STON2: variants seen among roughly 807,000 people sequenced by gnomAD.
The protein encoded by STON2 is stonin-2.
A neutral mutation model predicts 65.7 loss-of-function variants in STON2; 29 were observed. The observed-to-expected ratio is 0.44, with a 90% CI of 0.33 to 0.60. The LOEUF (loss-of-function observed/expected upper bound fraction) is 0.60. STON2 is among the 20% of genes least tolerant of loss of function. The pLI, the probability that STON2 is intolerant of heterozygous loss-of-function variation, is 0.03. For missense variants in STON2, 1,054 were observed against 1,118.1 expected (o/e 0.94, Z 0.82); for synonymous variants, 404 against 414.2 (o/e 0.98, Z 0.30).
chr14:81,287,558 C>T (rs1433575401), intron 5 of STON2, among the ~76,000 whole-genome samples: 5 of 152,186 alleles, frequency 3.3e-5, no homozygotes, highest in Non-Finnish European at 7.4e-5. Context: ...CCAACTCCCT[C>T]CCTGCCATTA....
chr14:81,408,706 T>G (rs1900998143), intron 2 of STON2, among the ~76,000 whole-genome samples: 1 of 152,368 alleles, frequency 6.6e-6, no homozygotes, highest in Admixed American at 6.5e-5. Context: ...TATCTAACAA[T>G]TCCATGGCCC....
chr14:81,352,003 A>AAC (rs1159842221), intron 4 of STON2, among the ~76,000 whole-genome samples: 1 of 152,234 alleles, frequency 6.6e-6, no homozygotes, highest in African/African-American at 2.4e-5. Flanking sequence ...TAAATACATG[A>AAC]ACAAATACAT....
chr14:81,289,091 T>C (rs1020995069), intron 5 of STON2, among the ~76,000 whole-genome samples: 1 of 152,100 alleles, frequency 6.6e-6, no homozygotes, highest in African/African-American at 2.4e-5. Flanking sequence ...CGCAGGATGC[T>C]TGCAAGATCC....
intron 5 of STON2, among the ~76,000 whole-genome samples, chr14:81,303,059 G>GGTGTGTGTGT (rs56117739): frequency 1.4e-4 from 14 of 97,054 alleles, no homozygotes; most frequent in African/African-American, 3.7e-4. Context: ...ATGTGTGGGG[G>GGTGTGTGTGT]GTGTGTGTGT....
chr14:81,339,751 A>AT (rs1897520035), intron 4 of STON2, among the ~76,000 whole-genome samples: 1 of 152,224 alleles, frequency 6.6e-6, no homozygotes, highest in Admixed American at 6.5e-5. Flanking sequence ...GTTGCATTTG[A>AT]TTTTTTAAAA....
chr14:81,376,438 C>T (rs1160013650), intron 3 of STON2, among the ~76,000 whole-genome samples: 1 of 151,964 alleles, frequency 6.6e-6, no homozygotes, highest in Non-Finnish European at 1.5e-5. Context: ...GGTTAAAAAC[C>T]TGACTTGTCC....
chr14:81,314,550 A>G (rs1163935316), intron 5 of STON2, among the ~76,000 whole-genome samples: 1 of 152,248 alleles, frequency 6.6e-6, no homozygotes, highest in Non-Finnish European at 1.5e-5. Flanking sequence ...AGATGTCATC[A>G]TGGTACTGTG....
intron 4 of STON2, among the ~76,000 whole-genome samples, chr14:81,351,178 C>CTTTTT (rs370421507): frequency 0.012 from 1,511 of 127,876 alleles, 37 homozygotes; most frequent in South Asian, 0.018. Flanking sequence ...GTAAGCTCTT[C>CTTTTT]TTTTTTTTTT....
chr14:81,309,305 T>TA (rs563399871), intron 5 of STON2, among the ~76,000 whole-genome samples: 99 of 151,912 alleles, frequency 6.5e-4, no homozygotes, highest in African/African-American at 2.2e-3. Flanking sequence ...TCTGAACTAT[T>TA]AAAAAAAAGA....
At chr14:81,292,493 C>T (rs556129879) in intron 5 of STON2, among the ~76,000 whole-genome samples, 11 of 152,274 alleles carry the variant, frequency 7.2e-5, no homozygotes, top group Non-Finnish European at 1.0e-4. Flanking sequence ...CAAGTTACCC[C>T]TGTGCTGTTC....
chr14:81,348,620 C>T (rs1897906296), intron 4 of STON2, among the ~76,000 whole-genome samples: 1 of 152,104 alleles, frequency 6.6e-6, no homozygotes, highest in Admixed American at 6.6e-5. Flanking sequence ...AATGGAAAGA[C>T]ATCTCATGCC....
chr14:81,282,747 T>C (rs1895175935), intron 5 of STON2, among the ~76,000 whole-genome samples: 1 of 152,190 alleles, frequency 6.6e-6, no homozygotes, highest in Non-Finnish European at 1.5e-5. Context: ...TCTTTATTAT[T>C]ACTACTAATT....
chr14:81,378,062 G>A (rs1899336977), intron 3 of STON2, among the ~76,000 whole-genome samples: 1 of 152,048 alleles, frequency 6.6e-6, no homozygotes, highest in African/African-American at 2.4e-5. Context: ...GGTCAGGCTG[G>A]TCTCAAACTC....
chr14:81,284,983 C>T (rs1895278360), intron 5 of STON2, among the ~76,000 whole-genome samples: 1 of 152,202 alleles, frequency 6.6e-6, no homozygotes, highest in Non-Finnish European at 1.5e-5. Flanking sequence ...AGGTTGAGAC[C>T]TACCGCTCAG....
At chr14:81,354,282 G>A (rs1595386344) in intron 4 of STON2, among the ~76,000 whole-genome samples, 2 of 152,312 alleles carry the variant, frequency 1.3e-5, no homozygotes, top group South Asian at 2.1e-4. Context: ...GGCAAAGGAA[G>A]CAGCCCAGCC....
intron 2 of STON2, among the ~76,000 whole-genome samples, chr14:81,424,682 T>A (rs182111952): frequency 9.8e-5 from 15 of 152,310 alleles, no homozygotes; most frequent in Middle Eastern, 3.4e-3. Flanking sequence ...TGGGACAGGA[T>A]CCTTTGACCT....
At chr14:81,407,038 C>A (rs1218400348) in intron 2 of STON2, among the ~76,000 whole-genome samples, 1 of 152,174 alleles carries the variant, frequency 6.6e-6, no homozygotes. Flanking sequence ...AGTCACGAAA[C>A]TCTTCCCTGG....
intron 4 of STON2, among the ~76,000 whole-genome samples, chr14:81,338,515 T>TTC (rs1489294619): frequency 6.6e-6 from 1 of 152,164 alleles, no homozygotes; most frequent in African/African-American, 2.4e-5. Context: ...AGTACAGTGT[T>TTC]TCTCTGAGTT....
chr14:81,261,959 AAAAG>A lies in STON2; in HGVS notation c.*6451_*6454del, dbSNP rs1297712217. Reference sequence around the variant, plus strand: ...GGGGAAATGATAAAAAAAAAAAAAAAAAAGAGAGAGATGTGAAAAGGAAAAAGAT... The same window carrying A: ...GGGGAAATGATAAAAAAAAAAAAAAAAGAGAGATGTGAAAAGGAAAAAGAT... On this transcript the variant is annotated 3_prime_UTR_variant, in exon 8 of 8. Coordinates refer to ENST00000614646, the MANE Select transcript of STON2 (RefSeq NM_001394390.1). The A allele has an allele frequency of 5.1e-5, 74 of 1,437,852 alleles. No individual in the cohort carries two copies. Among genetic ancestry groups the A allele is most frequent in the Non-Finnish European group, 3.0e-5 (33 of 1,102,548 alleles). 89.1% of individuals were successfully genotyped at this position (1,437,852 alleles called of 1,614,324 possible).
Sources: allele counts gnomAD v4.1 joint callset (sites outside exome capture counted in the v4.1 genomes callset), GRCh38; gene constraint gnomAD v4.1.1; transcripts MANE v1.5; gene names NCBI Gene and HGNC (gene_info 2026-07-23, HGNC 2026-07-21).